LRRC52: variants seen among roughly 807,000 people sequenced by gnomAD.
LRRC52 encodes the protein leucine-rich repeat-containing protein 52.
LRRC52 carries 15 observed loss-of-function variants against 14.7 expected under a neutral mutation model. The ratio of observed to expected loss-of-function variants is 1.02; its 90% CI spans 0.68 to 1.58. The LOEUF (loss-of-function observed/expected upper bound fraction) is 1.58, where lower values mean the gene tolerates loss of function less well. Among genes scored for constraint, LRRC52 ranks in the 40% most tolerant of loss-of-function variants. LRRC52 has a pLI of 0.00. For synonymous variants in LRRC52, 180 were observed against 163.9 expected (o/e 1.10, Z -0.75); for missense variants, 400 against 387.7 (o/e 1.03, Z -0.27).
At chr1:165,555,503 G>A (rs1370724694) in intron 1 of LRRC52, among the ~76,000 whole-genome samples, 1 of 152,156 alleles carries the variant, frequency 6.6e-6, no homozygotes, top group East Asian at 1.9e-4. Flanking sequence ...TAAGTGTGAT[G>A]GGAAGTCATG....
intron 1 of LRRC52, among the ~76,000 whole-genome samples, chr1:165,559,466 T>A (rs1223930785): frequency 6.6e-6 from 1 of 152,178 alleles, no homozygotes; most frequent in Non-Finnish European, 1.5e-5. Flanking sequence ...CTGGTAATTT[T>A]AAATAATTAG....
chr1:165,548,849 C>CAGG (rs1661075559), intron 1 of LRRC52, among the ~76,000 whole-genome samples: 1 of 152,118 alleles, frequency 6.6e-6, no homozygotes, highest in Admixed American at 6.5e-5. Flanking sequence ...AGGAAAGGTA[C>CAGG]AGGATACTAA....
chr1:165,544,232 CAG>C lies in LRRC52; in HGVS notation c.-64_-63del. The C allele has an allele frequency of 6.9e-7, 1 of 1,441,472 alleles. No individual in the cohort carries two copies. The highest frequency in any genetic ancestry group is 9.3e-7 in the Non-Finnish European group (1 of 1,079,074). 89.3% of individuals were successfully genotyped at this position (1,441,472 alleles called of 1,614,324 possible). On this transcript the variant is annotated 5_prime_UTR_variant, in exon 1 of 2. Transcript: ENST00000294818. ...CTCCCCCGCCCCACCCCCCCACCGGCAGCCTTCGGATCAGAGGACAGAGCCCG... is the reference window on the plus strand; with the variant it reads ...CTCCCCCGCCCCACCCCCCCACCGGCCCTTCGGATCAGAGGACAGAGCCCG...
At chr1:165,559,711 T>C (rs1375789093) in intron 1 of LRRC52, among the ~76,000 whole-genome samples, 1 of 152,200 alleles carries the variant, frequency 6.6e-6, no homozygotes, top group African/African-American at 2.4e-5. Context: ...GGCTAATTGA[T>C]AGAAGCAAGA....
At position 165,544,117 on chromosome 1, in the gene LRRC52, T is replaced by A; in HGVS notation, c.-180T>A. The A allele has an allele frequency of 1.3e-6, 1 of 756,134 alleles. No homozygotes were observed. Among genetic ancestry groups the A allele is most frequent in the Admixed American group, 2.9e-5 (1 of 34,104 alleles). The allele number at this position is 756,134 out of a possible 1,614,324, so 46.8% of individuals were successfully genotyped here. ...GCCACCAAGCTGGGCGGCAGGGCATTGAGCCTCGCGTTTCAATTTCTGTTC... is the reference window on the plus strand; with the variant it reads ...GCCACCAAGCTGGGCGGCAGGGCATAGAGCCTCGCGTTTCAATTTCTGTTC... On this transcript the variant is annotated 5_prime_UTR_variant, in exon 1 of 2. Transcript: ENST00000294818.
chr1:165,554,183 A>C (rs1000568833), intron 1 of LRRC52, among the ~76,000 whole-genome samples: 2 of 152,216 alleles, frequency 1.3e-5, no homozygotes, highest in African/African-American at 4.8e-5. Flanking sequence ...TGCACACAGT[A>C]CATGTTCAAT....
rs1011870874 is a variant in LRRC52 at position 165,562,849 on chromosome 1, C to T, written c.623-656C>T. 3.5e-5 allele frequency among the ~76,000 whole-genome samples: 4 copies of T among 115,544 alleles called. No homozygotes were observed. In the East Asian group the frequency reaches 9.0e-4, roughly 26 times the overall value. 75.8% of individuals were successfully genotyped at this position (115,544 alleles called of 152,430 possible). A position where few individuals can be genotyped will look rare whatever the true frequency, so the allele number is the denominator to read the frequency against. ...CACCACCAAGAAGCAGAACTGCTTT[C>T]CCTATTGGCAACCTGTTTACCCTGG... On this transcript the variant is annotated intron_variant, in intron 1 of 1. Coordinates refer to ENST00000294818, the MANE Select transcript of LRRC52 (RefSeq NM_001005214.4).
At chr1:165,549,891 T>C (rs1344203323) in intron 1 of LRRC52, among the ~76,000 whole-genome samples, 2 of 152,190 alleles carry the variant, frequency 1.3e-5, no homozygotes, top group Non-Finnish European at 1.5e-5. Context: ...CAAAAGAAAC[T>C]CTCCAATGGC....
rs778523196 is a variant in LRRC52, at chr1:165,544,857, G to A, written c.561G>A (p.Lys187=). Residue 187 remains lysine (K), a synonymous_variant, in exon 1 of 2, where the codon AAG becomes AAA. Coordinates refer to ENST00000294818, the MANE Select transcript of LRRC52 (RefSeq NM_001005214.4). ...TGTTTCTGAGTGGAAACCCCTGGAA[G>A]TGCAACTGCTCTTTCCTGGACTTCG... ...ETLFLSGNPW[K]CNCSFLDFAI... is the part of the protein sequence containing the mutation. The A allele has an allele frequency of 3.1e-6, 5 of 1,613,886 alleles. No individual in the cohort carries two copies. Among genetic ancestry groups the A allele is most frequent in the Admixed American group, 3.3e-5 (2 of 60,018 alleles).
chr1:165,557,874 C>A (rs1466535070), intron 1 of LRRC52, among the ~76,000 whole-genome samples: 1 of 152,198 alleles, frequency 6.6e-6, no homozygotes, highest in South Asian at 2.1e-4. Flanking sequence ...GATGCTCACC[C>A]CTCCAGTCAG....
chr1:165,553,594 G>A (rs779713078), intron 1 of LRRC52, among the ~76,000 whole-genome samples: 4 of 152,138 alleles, frequency 2.6e-5, no homozygotes, highest in Admixed American at 6.5e-5. Context: ...GGAAAGAGTC[G>A]ATGCAGAGAA....
intron 1 of LRRC52, among the ~76,000 whole-genome samples, chr1:165,553,329 A>G (rs1358132414): frequency 6.6e-6 from 1 of 152,226 alleles, no homozygotes; most frequent in African/African-American, 2.4e-5. Context: ...ATAAGGACAG[A>G]AAACTGTCCA....
At chr1:165,561,131 A>C (rs1661331672) in intron 1 of LRRC52, among the ~76,000 whole-genome samples, 1 of 152,160 alleles carries the variant, frequency 6.6e-6, no homozygotes, top group African/African-American at 2.4e-5. Context: ...CCTCCCTCCC[A>C]ACAAAGCCAC....
Position 165,544,127 on chromosome 1 carries a change from G to T in LRRC52, c.-170G>T. 2 of 822,038 alleles carry T rather than the reference G, an allele frequency of 2.4e-6. No homozygotes were observed. The highest frequency in any genetic ancestry group is 5.8e-5 in the Admixed American group (2 of 34,420). The allele number at this position is 822,038 out of a possible 1,614,324, so 50.9% of individuals were successfully genotyped here. ...TGGGCGGCAGGGCATTGAGCCTCGCGTTTCAATTTCTGTTCAGTTCTCCTG... is the reference window on the plus strand; with the variant it reads ...TGGGCGGCAGGGCATTGAGCCTCGCTTTTCAATTTCTGTTCAGTTCTCCTG... On this transcript the variant is annotated 5_prime_UTR_variant, in exon 1 of 2. Coordinates refer to ENST00000294818, the MANE Select transcript of LRRC52 (RefSeq NM_001005214.4).
At chr1:165,552,961 A>G (rs1388660660) in intron 1 of LRRC52, among the ~76,000 whole-genome samples, 1 of 152,228 alleles carries the variant, frequency 6.6e-6, no homozygotes, top group Non-Finnish European at 1.5e-5. Flanking sequence ...AAGTCAGGCT[A>G]GAAGTCAAGT....
intron 1 of LRRC52, among the ~76,000 whole-genome samples, chr1:165,561,603 T>C (rs748964479): frequency 7.9e-5 from 12 of 152,254 alleles, no homozygotes; most frequent in Non-Finnish European, 1.8e-4. Flanking sequence ...GAGAGCTCTC[T>C]GGTGGGGCAG....
In LRRC52 at chr1:165,563,670, C is replaced by T; in HGVS notation, c.788C>T (p.Ala263Val). ...ATCTTCGCCGCGGGAACTGTGGCTG[C>T]CTGGCTCACAGGTGTGTGTGCTGTG... is the stretch of plus-strand genomic sequence containing the variant. Reference protein sequence around the residue: ...FCIFAAGTVAAWLTGVCAVLY... With the variant: ...FCIFAAGTVAVWLTGVCAVLY... Residue 263 changes from alanine to valine, a missense_variant, in exon 2 of 2, where the codon GCC becomes GTC. By Grantham distance (64) the Ala-to-Val change is moderately conservative. Transcript: ENST00000294818. The T allele has an allele frequency of 6.2e-7, 1 of 1,614,184 alleles. No homozygotes were observed. The highest frequency in any genetic ancestry group is 2.2e-5 in the East Asian group (1 of 44,884).
rs777935960 is a variant in LRRC52, at chr1:165,544,431, C to G, written c.135C>G (p.Thr45=). The G allele has an allele frequency of 5.0e-6, 8 of 1,613,952 alleles. No individual in the cohort carries two copies. The East Asian group carries it at 1.6e-4, about 31-fold the overall frequency. ...TAATCTGCACAGGGAAGCAGTTAAC[C>G]GAATACCCCCTTGACATACCCCTGA... The part of the protein sequence containing the change: ...QEVICTGKQL[T]EYPLDIPLNT... Residue 45 remains threonine (T), a synonymous_variant, in exon 1 of 2, where the codon ACC becomes ACG. Transcript: ENST00000294818.
At position 165,544,436 on chromosome 1, in the gene LRRC52, AC is replaced by A. The variant is rs1660970507; in HGVS notation, c.145del (p.Asp50ThrfsTer4). On this transcript the variant is annotated frameshift_variant, in exon 1 of 2. Coordinates refer to ENST00000294818, the MANE Select transcript of LRRC52 (RefSeq NM_001005214.4). LOFTEE classifies it high-confidence loss of function. Reference protein sequence around the residue: ...VICTGKQLTEYPLDIPLNTRR... With the variant: ...VICTGKQLTEXPLDIPLNTRR... ...TGCACAGGGAAGCAGTTAACCGAAT[AC>A]CCCCTTGACATACCCCTGAACACCC... 4 of 1,613,718 alleles carry A rather than the reference AC, an allele frequency of 2.5e-6. No individual in the cohort carries two copies. The highest frequency in any genetic ancestry group is 1.1e-5 in the South Asian group (1 of 91,024).
Sources: gnomAD v4.1 joint callset for allele counts (sites outside exome capture counted in the v4.1 genomes callset) on GRCh38, gnomAD v4.1.1 for gene constraint, MANE v1.5 for transcripts, NCBI Gene and HGNC (gene_info 2026-07-23, HGNC 2026-07-21) for gene names.